The following ST3GAL1 variants were observed in gnomAD, a reference collection of about 807,000 sequenced individuals.
ST3GAL1 encodes CMP-N-acetylneuraminate-beta-galactosamide-alpha-2,3-sialyltransferase 1.
In ST3GAL1, 16 loss-of-function variants were observed where a neutral mutation model predicts 34.1. The observed-to-expected ratio is 0.47, with a 90% CI of 0.32 to 0.71. The LOEUF (loss-of-function observed/expected upper bound fraction) is 0.71, where lower values mean the gene tolerates loss of function less well. Ranked by LOEUF, ST3GAL1 falls within the 30% of genes least tolerant of loss-of-function variation. The pLI is 0.04. For missense variants in ST3GAL1, 353 were observed against 447.4 expected, an observed-to-expected ratio of 0.79 and a Z score of 1.90; for synonymous variants, 191 against 184.7, an observed-to-expected ratio of 1.03 and a Z score of -0.28.
At chr8:133,477,846 A>G (rs1816237514) in intron 3 of ST3GAL1, among the ~76,000 whole-genome samples, 1 of 150,526 alleles carries the variant, frequency 6.6e-6, no homozygotes, top group South Asian at 2.1e-4. Flanking sequence ...TAGATTGTCA[A>G]TAAGCAGGGT....
At chr8:133,503,629 T>A (rs1468427910) in intron 2 of ST3GAL1, among the ~76,000 whole-genome samples, 1 of 152,172 alleles carries the variant, frequency 6.6e-6, no homozygotes, top group Non-Finnish European at 1.5e-5. Flanking sequence ...CCGCATGGAC[T>A]CTTCTGCCTG....
chr8:133,553,635 C>A (rs959544746), intron 1 of ST3GAL1, among the ~76,000 whole-genome samples: 1 of 152,166 alleles, frequency 6.6e-6, no homozygotes, highest in African/African-American at 2.4e-5. Flanking sequence ...TACACAGGAG[C>A]TCAGAACACT....
rs140592411 is a variant in ST3GAL1 at position 133,513,156 on chromosome 8, G to A, written c.-428-13967C>T. 2.4e-3 allele frequency among the ~76,000 whole-genome samples: 369 copies of A among 152,324 alleles called. 2 individuals are homozygous for A. The highest frequency in any genetic ancestry group is 8.3e-3 in the African/African-American group (345 of 41,576). ...AAAGATCAGAGGAGAGGCACAGGAT[G>A]AGGGGACACCCCTCTGGAGTGCTAC... On this transcript the variant is annotated intron_variant, in intron 2 of 9. Transcript: ENST00000522652.
At chr8:133,490,341 C>T (rs191406136) in intron 3 of ST3GAL1, among the ~76,000 whole-genome samples, 8 of 152,218 alleles carry the variant, frequency 5.3e-5, no homozygotes, top group Admixed American at 2.6e-4. Context: ...AGCATGCCTG[C>T]GATGCTTCAA....
chr8:133,511,790 A>G (rs1451812268), intron 2 of ST3GAL1, among the ~76,000 whole-genome samples: 1 of 152,210 alleles, frequency 6.6e-6, no homozygotes, highest in Non-Finnish European at 1.5e-5. Context: ...ACGGTGGCTC[A>G]TGCCTGTAAT....
Position 133,475,806 on chromosome 8 carries a change from C to G in ST3GAL1, c.219G>C (p.Trp73Cys). 6.2e-7 allele frequency: 1 copy of G among 1,614,104 alleles called. No homozygotes were observed. The highest frequency in any genetic ancestry group is 8.5e-7 in the Non-Finnish European group (1 of 1,180,030). Residue 73 changes from tryptophan (W) to cysteine (C), a missense_variant, in exon 5 of 10, where the codon TGG (tryptophan) becomes TGC (cysteine). Physicochemically the swap from Trp to Cys is radical, Grantham distance 215. Transcript: ENST00000522652. ...HCIGQRKLSA[W>C]FDERFNQTMQ... ...TGGTCTGGTTGAACCTCTCATCGAA[C>G]CAGGCCGAGAGCTTGCGCTGCCCGA...
rs551732924 is a variant in ST3GAL1, at chr8:133,531,974, C to T, written c.-429+13800G>A. 1.7e-4 allele frequency among the ~76,000 whole-genome samples: 26 copies of T among 152,236 alleles called. 1 individual carries two copies. The East Asian group carries it at 4.8e-3, about 28-fold the overall frequency. On this transcript the variant is annotated intron_variant, in intron 2 of 9. Transcript: ENST00000522652. ...GACGAAGGCTTCATTTACTCTTTCA[C>T]ACTCATTCTGTCCTGCATGTACAGT...
intron 1 of ST3GAL1, among the ~76,000 whole-genome samples, chr8:133,553,350 C>T (rs1281602128): frequency 6.6e-6 from 1 of 152,232 alleles, no homozygotes; most frequent in Non-Finnish European, 1.5e-5. Context: ...TTTCACCAGC[C>T]TTGCCCGTGT....
intron 2 of ST3GAL1, among the ~76,000 whole-genome samples, chr8:133,521,138 G>GTTT (rs35051988): frequency 3.6e-4 from 4 of 11,198 alleles, no homozygotes; most frequent in East Asian, 1.9e-3. Context: ...TTTGTGGGTT[G>GTTT]TTTTTTTTTT....
intron 3 of ST3GAL1, among the ~76,000 whole-genome samples, chr8:133,496,897 C>T (rs146761459): frequency 0.011 from 1,660 of 152,340 alleles, 30 homozygotes; most frequent in African/African-American, 0.038. Flanking sequence ...TTTTTAACAA[C>T]TCACAAATCT....
chr8:133,532,302 T>C (rs1021953293), intron 2 of ST3GAL1, among the ~76,000 whole-genome samples: 59 of 152,008 alleles, frequency 3.9e-4, no homozygotes, highest in Non-Finnish European at 8.8e-5. Flanking sequence ...TGAAACCCCA[T>C]CTCTACTAAA....
intron 2 of ST3GAL1, among the ~76,000 whole-genome samples, chr8:133,506,381 A>G (rs1817337370): frequency 6.6e-6 from 1 of 152,232 alleles, no homozygotes; most frequent in African/African-American, 2.4e-5. Flanking sequence ...GGCTCCCTAA[A>G]TAAGAGCAAA....
chr8:133,482,904 TCAACAA>T (rs373515250), intron 3 of ST3GAL1, among the ~76,000 whole-genome samples: 7 of 152,100 alleles, frequency 4.6e-5, no homozygotes, highest in East Asian at 3.9e-4. Flanking sequence ...CCAACAGTTG[TCAACAA>T]CAACAACAAC....
intron 8 of ST3GAL1, among the ~76,000 whole-genome samples, chr8:133,462,552 C>T (rs977426042): frequency 6.6e-6 from 1 of 152,186 alleles, no homozygotes; most frequent in Non-Finnish European, 1.5e-5. Context: ...CGATATCAGG[C>T]CTGGCCTTGA....
intron 3 of ST3GAL1, among the ~76,000 whole-genome samples, chr8:133,486,138 C>T (rs145450543): frequency 2.5e-3 from 377 of 152,328 alleles, no homozygotes; most frequent in African/African-American, 8.7e-3. Flanking sequence ...CCAAGGCCCT[C>T]GGCCGGTAGG....
At chr8:133,510,665 A>C (rs1817477543) in intron 2 of ST3GAL1, among the ~76,000 whole-genome samples, 1 of 152,248 alleles carries the variant, frequency 6.6e-6, no homozygotes, top group South Asian at 2.1e-4. Context: ...TAATTAGCTA[A>C]TAATTAAAAT....
At chr8:133,553,995 C>T (rs753284746) in intron 1 of ST3GAL1, among the ~76,000 whole-genome samples, 128 of 152,268 alleles carry the variant, frequency 8.4e-4, no homozygotes, top group Middle Eastern at 3.4e-3. Flanking sequence ...GGCCTTATTG[C>T]TTCTGCAGAC....
At chr8:133,540,924 T>TATAGACATATATATAGACATATATAGAC (rs1253984360) in intron 2 of ST3GAL1, among the ~76,000 whole-genome samples, 1 of 75,890 alleles carries the variant, frequency 1.3e-5, no homozygotes, top group African/African-American at 5.7e-5. Context: ...TATAGACATA[T>TATAGACATATATATAGACATATATAGAC]ATATATAGAC....
chr8:133,534,332 ATATAT>A (rs1818243934), intron 2 of ST3GAL1, among the ~76,000 whole-genome samples: 1 of 151,410 alleles, frequency 6.6e-6, no homozygotes, highest in African/African-American at 2.4e-5. Flanking sequence ...GGCATTGGAC[ATATAT>A]TATATAATAT....
Sources: allele counts gnomAD v4.1 joint callset (sites outside exome capture counted in the v4.1 genomes callset), GRCh38; gene constraint gnomAD v4.1.1; transcripts MANE v1.5; gene names NCBI Gene and HGNC (gene_info 2026-07-23, HGNC 2026-07-21).